Variants in PLGRKT observed in about 807,000 individuals in gnomAD.
PLGRKT encodes plasminogen receptor (KT).
A neutral mutation model predicts 18.5 loss-of-function variants in PLGRKT; 22 were observed. That is an observed-to-expected ratio of 1.19 (90% CI 0.85 to 1.70). The LOEUF is 1.70. PLGRKT is among the 40% of genes most tolerant of loss of function. PLGRKT has a pLI of 0.00. For synonymous variants in PLGRKT, 72 were observed against 52.8 expected (o/e 1.36, Z -1.58); for missense variants, 235 against 174.4 (o/e 1.35, Z -1.96).
intron 3 of PLGRKT, among the ~76,000 whole-genome samples, chr9:5,372,042 C>G (rs556551224): frequency 3.0e-5 from 4 of 132,652 alleles, no homozygotes; most frequent in Non-Finnish European, 6.1e-5. Context: ...AGTGCAGTGG[C>G]GCGATATTGG....
At chr9:5,362,392 C>A (rs1395209174) in intron 3 of PLGRKT, among the ~76,000 whole-genome samples, 2 of 152,172 alleles carry the variant, frequency 1.3e-5, no homozygotes, top group Non-Finnish European at 2.9e-5. Flanking sequence ...TTCTTTGCCA[C>A]ATTTTTCTCG....
chr9:5,402,109 G>A (rs1256569400), intron 3 of PLGRKT, among the ~76,000 whole-genome samples: 1 of 151,868 alleles, frequency 6.6e-6, no homozygotes, highest in East Asian at 1.9e-4. Context: ...TACTTTAAAT[G>A]TACATTTTTA....
chr9:5,434,446 G>T (rs188288256), intron 2 of PLGRKT, among the ~76,000 whole-genome samples: 1 of 145,140 alleles, frequency 6.9e-6, no homozygotes, highest in African/African-American at 2.6e-5. Context: ...CTGCCCGGCC[G>T]CCGCCCCGTC....
chr9:5,405,907 T>C (rs1372438209), intron 3 of PLGRKT, among the ~76,000 whole-genome samples: 1 of 151,758 alleles, frequency 6.6e-6, no homozygotes, highest in Non-Finnish European at 1.5e-5. Flanking sequence ...TAAGAAAATT[T>C]ACAAGAAAAA....
At chr9:5,421,065 T>G (rs942236954) in intron 3 of PLGRKT, among the ~76,000 whole-genome samples, 12 of 152,326 alleles carry the variant, frequency 7.9e-5, no homozygotes, top group Non-Finnish European at 1.5e-4. Flanking sequence ...CTTTAATGGC[T>G]TCCCACGTCA....
In PLGRKT at chr9:5,418,469, T is replaced by G; in HGVS notation, c.81+13428A>C. On this transcript the variant is annotated intron_variant, in intron 3 of 5. Coordinates refer to ENST00000223864, the MANE Select transcript of PLGRKT (RefSeq NM_018465.4). The surrounding 1 kb of genome is among the most constrained non-coding windows in gnomAD (Gnocchi z 4.2). The stretch of plus-strand genomic sequence containing the variant: ...AAGACGCAAGCCACCAAGATGACAG[T>G]GCACACCCTCAACCACATGGAGCTT... 9.3e-7 allele frequency: 1 copy of G among 1,070,916 alleles called. No homozygotes were observed. The highest frequency in any genetic ancestry group is 1.2e-5 in the South Asian group (1 of 80,550). 66.3% of individuals were successfully genotyped at this position (1,070,916 alleles called of 1,614,324 possible).
At chr9:5,397,284 T>C (rs1425962258) in intron 3 of PLGRKT, among the ~76,000 whole-genome samples, 2 of 151,864 alleles carry the variant, frequency 1.3e-5, no homozygotes, top group Admixed American at 6.6e-5. Context: ...CACATGACTT[T>C]CCCCTCACTT....
intron 3 of PLGRKT, among the ~76,000 whole-genome samples, chr9:5,430,179 T>C (rs1818792878): frequency 6.6e-6 from 1 of 152,242 alleles, no homozygotes; most frequent in Non-Finnish European, 1.5e-5. Context: ...CCTCTGACTC[T>C]GATGTAGTTG....
chr9:5,390,427 A>C (rs1355071430), intron 3 of PLGRKT, among the ~76,000 whole-genome samples: 1 of 151,596 alleles, frequency 6.6e-6, no homozygotes, highest in Non-Finnish European at 1.5e-5. Context: ...AGGCAGAGAG[A>C]GTCAAAGAGG....
chr9:5,432,564 C>T lies in PLGRKT; in HGVS notation c.-6-581G>A, dbSNP rs533181197. Among the ~76,000 whole-genome samples the T allele has an allele frequency of 6.0e-4, 90 of 148,968 alleles. 1 individual carries two copies. Among genetic ancestry groups the T allele is most frequent in the African/African-American group, 2.1e-3 (87 of 40,612 alleles). ...GGAGCCTGGACTGTACCGCCATGAT[C>T]TCGGCTCGCTGCAACCTCCCTGCCT... On this transcript the variant is annotated intron_variant, in intron 2 of 5. Transcript: ENST00000223864.
chr9:5,391,666 C>T (rs968445709), intron 3 of PLGRKT, among the ~76,000 whole-genome samples: 1 of 151,872 alleles, frequency 6.6e-6, no homozygotes, highest in Non-Finnish European at 1.5e-5. Context: ...AAGAGTAAGG[C>T]TAGCTCTTCT....
At chr9:5,367,396 A>G (rs1410377730) in intron 3 of PLGRKT, among the ~76,000 whole-genome samples, 2 of 152,196 alleles carry the variant, frequency 1.3e-5, no homozygotes, top group Admixed American at 1.3e-4. Context: ...GCAGAAACGT[A>G]TGCCAATGGA....
At chr9:5,432,522 CG>C (rs1376078210) in intron 2 of PLGRKT, among the ~76,000 whole-genome samples, 1 of 144,950 alleles carries the variant, frequency 6.9e-6, no homozygotes, top group African/African-American at 2.5e-5. Flanking sequence ...CCTCTTTCTA[CG>C]GTCTCCCTCT....
At chr9:5,375,006 T>A (rs1268745547) in intron 3 of PLGRKT, among the ~76,000 whole-genome samples, 1 of 152,294 alleles carries the variant, frequency 6.6e-6, no homozygotes, top group South Asian at 2.1e-4. Context: ...TTAATCCCTG[T>A]AGACACTCAC....
intron 3 of PLGRKT, among the ~76,000 whole-genome samples, chr9:5,368,731 T>G (rs1817450788): frequency 6.6e-6 from 1 of 151,898 alleles, no homozygotes; most frequent in South Asian, 2.1e-4. Flanking sequence ...AAGTTGAAAT[T>G]ATAAAAAATA....
At chr9:5,435,134 G>C (rs1818934414) in intron 2 of PLGRKT, among the ~76,000 whole-genome samples, 1 of 151,974 alleles carries the variant, frequency 6.6e-6, no homozygotes, top group African/African-American at 2.4e-5. Flanking sequence ...CTCGTTAAGA[G>C]TCACCACCAC....
intron 3 of PLGRKT, among the ~76,000 whole-genome samples, chr9:5,383,315 T>C (rs905497295): frequency 6.6e-6 from 1 of 152,186 alleles, no homozygotes; most frequent in Non-Finnish European, 1.5e-5. Flanking sequence ...TTCAGTTGTT[T>C]AAAACTAGCA....
At chr9:5,374,565 C>T (rs1817591437) in intron 3 of PLGRKT, among the ~76,000 whole-genome samples, 2 of 152,322 alleles carry the variant, frequency 1.3e-5, no homozygotes, top group Admixed American at 6.5e-5. Flanking sequence ...AGAACACACA[C>T]TTTAGAGTCA....
intron 3 of PLGRKT, among the ~76,000 whole-genome samples, chr9:5,390,792 ATCAAG>A (rs1817936324): frequency 6.6e-6 from 1 of 151,938 alleles, no homozygotes; most frequent in Non-Finnish European, 1.5e-5. Context: ...GAAAAATAAT[ATCAAG>A]TCAAGTTTAT....
Sources: gnomAD v4.1 joint callset for allele counts (sites outside exome capture counted in the v4.1 genomes callset) on GRCh38, gnomAD v4.1.1 for gene constraint, Gnocchi (gnomAD v3.1) non-coding constraint, MANE v1.5 for transcripts, NCBI Gene and HGNC (gene_info 2026-07-23, HGNC 2026-07-21) for gene names.